The following KATNAL2 variants were observed in gnomAD, a reference collection of about 807,000 sequenced individuals.
KATNAL2 encodes katanin p60 ATPase-containing subunit A-like 2.
Under a neutral mutation model 76.3 loss-of-function variants are expected in KATNAL2, and 52 were observed. The observed-to-expected ratio is 0.68, with a 90% CI of 0.55 to 0.86. KATNAL2 has a LOEUF of 0.86. KATNAL2 is among the 40% of genes least tolerant of loss of function. The pLI is 0.00. For missense variants in KATNAL2, 660 were observed against 668.9 expected (o/e 0.99, Z 0.15); for synonymous variants, 243 against 244.2 (o/e 1.00, Z 0.05).
chr18:47,034,192 C>T (rs142609283), intron 3 of KATNAL2: 4 of 1,613,996 alleles, frequency 2.5e-6, no homozygotes, highest in Non-Finnish European at 3.4e-6. Flanking sequence ...CACGGACGTT[C>T]TGTCCAAATG....
In KATNAL2 at chr18:46,917,872, A is replaced by G. The variant is rs901936745; in HGVS notation, c.-564A>G. Reference sequence around the variant, plus strand: ...CCTATGGACGGAGAAAGCCGCCGCAAATAAAACCATCCCCCAGAGTAGTTG... The same window carrying G: ...CCTATGGACGGAGAAAGCCGCCGCAGATAAAACCATCCCCCAGAGTAGTTG... On this transcript the variant is annotated 5_prime_UTR_variant, in exon 1 of 18. Transcript: ENST00000683218. 6.6e-6 allele frequency: 1 copy of G among 152,282 alleles called. No individual in the cohort carries two copies. Among genetic ancestry groups the G allele is most frequent in the Non-Finnish European group, 1.5e-5 (1 of 68,102 alleles). 9.4% of individuals were successfully genotyped at this position (152,282 alleles called of 1,614,324 possible). A position where few individuals can be genotyped will look rare whatever the true frequency, so the allele number is the denominator to read the frequency against.
Position 47,035,078 on chromosome 18 carries a change from C to T in KATNAL2, c.52-11379C>T. On this transcript the variant is annotated intron_variant, in intron 3 of 17. Coordinates refer to ENST00000683218, the MANE Select transcript of KATNAL2 (RefSeq NM_001387690.1). ...GCCGCTAAGTCTCTGGCAAAGTCGC[C>T]CACGTGCTGGTGCTTCCGCAGGCGC... 1.9e-6 allele frequency: 3 copies of T among 1,611,294 alleles called. No individual in the cohort carries two copies. Among genetic ancestry groups the T allele is most frequent in the Non-Finnish European group, 2.5e-6 (3 of 1,179,496 alleles).
intron 3 of KATNAL2, chr18:47,035,118 G>T (rs1368722971): frequency 6.2e-7 from 1 of 1,611,520 alleles, no homozygotes; most frequent in South Asian, 1.1e-5. Flanking sequence ...CCGTCTTTCT[G>T]ATTCCAGTCT....
intron 1 of KATNAL2, among the ~76,000 whole-genome samples, chr18:46,931,553 T>C (rs948020492): frequency 2.0e-5 from 3 of 151,958 alleles, no homozygotes; most frequent in African/African-American, 7.3e-5. Flanking sequence ...CTCAGGAGAC[T>C]GAGGCAGGAG....
At chr18:46,945,430 G>A (rs945265534) in intron 1 of KATNAL2, among the ~76,000 whole-genome samples, 1 of 152,226 alleles carries the variant, frequency 6.6e-6, no homozygotes, top group African/African-American at 2.4e-5. Flanking sequence ...CAGCAGGGGT[G>A]AGAGTGGTTC....
intron 15 of KATNAL2, among the ~76,000 whole-genome samples, chr18:47,090,498 T>A (rs770631413): frequency 1.3e-5 from 2 of 152,128 alleles, no homozygotes; most frequent in African/African-American, 2.4e-5. Context: ...ATCTTTGGCC[T>A]CTGGAAACTG....
intron 3 of KATNAL2, among the ~76,000 whole-genome samples, chr18:46,961,211 C>G (rs2059933284): frequency 7.1e-6 from 1 of 141,780 alleles, no homozygotes; most frequent in African/African-American, 2.6e-5. Flanking sequence ...GGCTATTTAT[C>G]TTACTTTTGT....
chr18:47,084,293 T>C (rs2062664843), intron 15 of KATNAL2: 2 of 701,822 alleles, frequency 2.8e-6, no homozygotes, highest in Admixed American at 4.0e-5. Flanking sequence ...TGCATGTGAT[T>C]GGAGGGATAA....
chr18:46,938,976 A>C (rs1477327893), intron 1 of KATNAL2, among the ~76,000 whole-genome samples: 2 of 152,216 alleles, frequency 1.3e-5, no homozygotes, highest in African/African-American at 4.8e-5. Context: ...CAGTGAAGGC[A>C]GGGACTTTAT....
intron 6 of KATNAL2, among the ~76,000 whole-genome samples, chr18:47,057,525 G>A (rs760913114): frequency 3.9e-5 from 6 of 152,052 alleles, no homozygotes; most frequent in African/African-American, 7.2e-5. Context: ...TACAGCCACC[G>A]GCAAGCTACC....
At chr18:46,924,599 T>C (rs895200900) in intron 1 of KATNAL2, among the ~76,000 whole-genome samples, 9 of 152,216 alleles carry the variant, frequency 5.9e-5, no homozygotes, top group African/African-American at 1.2e-4. Flanking sequence ...GTAGTTTTTT[T>C]CTAATTCTGT....
Position 46,946,877 on chromosome 18 carries a change from A to G in KATNAL2, c.5A>G (p.Glu2Gly), listed in dbSNP as rs949639563. 6 of 1,535,760 alleles carry G rather than the reference A, an allele frequency of 3.9e-6. No homozygotes were observed. Among genetic ancestry groups the G allele is most frequent in the Non-Finnish European group, 5.2e-6 (6 of 1,146,736 alleles). Reference sequence around the variant, plus strand: ...AGGGTCCTAGCACAGTGTCTGATGGAGCTTTCCTACCAGACCCTGAAATTC... The same window carrying G: ...AGGGTCCTAGCACAGTGTCTGATGGGGCTTTCCTACCAGACCCTGAAATTC... M[E>G]LSYQTLKFTH... Residue 2 changes from glutamate (E) to glycine (G), a missense_variant, in exon 3 of 18, where the codon GAG (glutamate) becomes GGG (glycine). Glu to Gly is a moderately conservative substitution (Grantham distance 98). Transcript: ENST00000683218.
At chr18:46,959,068 A>G (rs567964437) in intron 3 of KATNAL2, among the ~76,000 whole-genome samples, 1 of 152,356 alleles carries the variant, frequency 6.6e-6, no homozygotes, top group South Asian at 2.1e-4. Flanking sequence ...TGGGCTCCTA[A>G]AAAAAGAGTA....
Position 47,034,350 on chromosome 18 carries a change from C to G in KATNAL2, c.52-12107C>G, listed in dbSNP as rs768920048. On this transcript the variant is annotated intron_variant, in intron 3 of 17. Coordinates refer to ENST00000683218, the MANE Select transcript of KATNAL2 (RefSeq NM_001387690.1). Reference sequence around the variant, plus strand: ...TCGAGTGACTGTGCTGAGGCCTCTTCTGGTGACTGTCTGGAGCCTCCTCCA... The same window carrying G: ...TCGAGTGACTGTGCTGAGGCCTCTTGTGGTGACTGTCTGGAGCCTCCTCCA... The G allele has an allele frequency of 3.7e-6, 6 of 1,613,708 alleles. No homozygotes were observed. The African/African-American group carries it at 8.0e-5, about 22-fold the overall frequency.
chr18:46,933,712 C>T (rs1410006120), intron 1 of KATNAL2, among the ~76,000 whole-genome samples: 1 of 148,898 alleles, frequency 6.7e-6, no homozygotes, highest in Admixed American at 6.7e-5. Context: ...CATATGTATA[C>T]ATGTGCCATG....
chr18:46,933,430 T>A (rs992509206), intron 1 of KATNAL2, among the ~76,000 whole-genome samples: 1 of 152,138 alleles, frequency 6.6e-6, no homozygotes, highest in Non-Finnish European at 1.5e-5. Flanking sequence ...CCATATTTAA[T>A]ATGAGGCCCC....
chr18:47,088,123 T>C (rs541172383), intron 15 of KATNAL2, among the ~76,000 whole-genome samples: 1 of 152,270 alleles, frequency 6.6e-6, no homozygotes, highest in South Asian at 2.1e-4. Context: ...TTTATTCTGG[T>C]AGACCGCCTC....
chr18:46,923,502 G>T (rs557436998), intron 1 of KATNAL2, among the ~76,000 whole-genome samples: 3 of 152,146 alleles, frequency 2.0e-5, no homozygotes, highest in Admixed American at 6.5e-5. Context: ...CCAAGTCTTT[G>T]CTATTGTGAA....
rs770212796 is a variant in KATNAL2, at chr18:47,067,036, A to G, written c.742A>G (p.Asn248Asp). 2 of 1,590,020 alleles carry G rather than the reference A, an allele frequency of 1.3e-6. No homozygotes were observed. The highest frequency in any genetic ancestry group is 2.7e-5 in the African/African-American group (2 of 74,460). The change falls in exon 11 of 18, where the codon AAT (asparagine) becomes GAT (aspartate). Residue 248 changes from asparagine to aspartate, a missense_variant. Transcript: ENST00000683218. ...TGCATTGCAGGACATTTATCTCCAT[A>G]ATCCAAACATAAAGTGGAATGACAT... ...AVVSRDIYLH[N>D]PNIKWNDIIG...
Sources: gnomAD v4.1 joint callset for allele counts (sites outside exome capture counted in the v4.1 genomes callset) on GRCh38, gnomAD v4.1.1 for gene constraint, MANE v1.5 for transcripts, NCBI Gene and HGNC (gene_info 2026-07-23, HGNC 2026-07-21) for gene names.